The following CPNE4 variants were observed in gnomAD, a reference collection of about 807,000 sequenced individuals.
The protein encoded by CPNE4 is copine 4.
CPNE4 carries 25 observed loss-of-function variants against 67.9 expected under a neutral mutation model. The ratio of observed to expected loss-of-function variants is 0.37; its 90% CI spans 0.27 to 0.51. CPNE4 has a LOEUF of 0.51. CPNE4 is among the 20% of genes least tolerant of loss of function. The pLI is 0.93. For missense variants in CPNE4, 464 were observed against 690.8 expected (o/e 0.67, Z 3.68); for synonymous variants, 242 against 244.9 (o/e 0.99, Z 0.11).
chr3:131,534,695 A>T lies in CPNE4; in HGVS notation c.*500T>A, dbSNP rs1935039307. ...ACCATTCTCAGCAGGGAGGAATTAG[A>T]GATAACAACTGCAAAAACCATGTGG... On this transcript the variant is annotated 3_prime_UTR_variant, in exon 16 of 16. Transcript: ENST00000429747. 6.6e-6 allele frequency: 1 copy of T among 152,470 alleles called. No homozygotes were observed. Among genetic ancestry groups the T allele is most frequent in the Admixed American group, 6.5e-5 (1 of 15,290 alleles). 9.4% of individuals were successfully genotyped at this position (152,470 alleles called of 1,614,324 possible).
At chr3:131,577,633 A>G (rs1253397536) in intron 9 of CPNE4, among the ~76,000 whole-genome samples, 1 of 152,188 alleles carries the variant, frequency 6.6e-6, no homozygotes, top group Non-Finnish European at 1.5e-5. Flanking sequence ...AGAAGTTACC[A>G]TGAATGGAGC....
intron 1 of CPNE4, among the ~76,000 whole-genome samples, chr3:131,938,461 G>A (rs2071291456): frequency 6.6e-6 from 1 of 151,978 alleles, no homozygotes; most frequent in Non-Finnish European, 1.5e-5. Flanking sequence ...AAACAATAAT[G>A]TATTAGTGTT....
At chr3:131,847,706 A>G (rs2086058190) in intron 2 of CPNE4, among the ~76,000 whole-genome samples, 1 of 152,138 alleles carries the variant, frequency 6.6e-6, no homozygotes, top group African/African-American at 2.4e-5. Flanking sequence ...CAAGCATCAA[A>G]TTCCTTGTCA....
intron 1 of CPNE4, among the ~76,000 whole-genome samples, chr3:131,974,384 C>T (rs2072588699): frequency 6.6e-6 from 1 of 152,150 alleles, no homozygotes; most frequent in Non-Finnish European, 1.5e-5. Flanking sequence ...TATATACATA[C>T]AATGTGCACA....
At chr3:131,734,905 A>C (rs374272844) in intron 2 of CPNE4, among the ~76,000 whole-genome samples, 7 of 151,988 alleles carry the variant, frequency 4.6e-5, no homozygotes, top group South Asian at 2.1e-4. Context: ...CCTGCCCCCC[A>C]AAAAAAGACA....
At chr3:131,812,301 G>A (rs1393418787) in intron 2 of CPNE4, among the ~76,000 whole-genome samples, 3 of 151,466 alleles carry the variant, frequency 2.0e-5, no homozygotes, top group African/African-American at 7.3e-5. Flanking sequence ...TAAGGTGAAA[G>A]CAAACTAAAG....
At chr3:131,552,331 T>C in intron 13 of CPNE4, 109 bp downstream of exon 13, 1 of 901,886 alleles carries the variant, frequency 1.1e-6, no homozygotes, top group Non-Finnish European at 1.8e-6. Flanking sequence ...AAAGCAGAGA[T>C]TCTGTGGACA....
At chr3:131,960,351 T>A (rs2072129713) in intron 1 of CPNE4, among the ~76,000 whole-genome samples, 1 of 152,172 alleles carries the variant, frequency 6.6e-6, no homozygotes, top group Non-Finnish European at 1.5e-5. Context: ...GAATATAGGC[T>A]ATTACAGCTA....
At chr3:131,596,879 C>T (rs1292766497) in intron 7 of CPNE4, among the ~76,000 whole-genome samples, 1 of 152,086 alleles carries the variant, frequency 6.6e-6, no homozygotes, top group Non-Finnish European at 1.5e-5. Context: ...CAATAAATGT[C>T]TTAATATATG....
intron 1 of CPNE4, among the ~76,000 whole-genome samples, chr3:131,960,922 C>T (rs1451736810): frequency 6.6e-6 from 1 of 152,192 alleles, no homozygotes; most frequent in East Asian, 1.9e-4. Context: ...AACTTTTTCT[C>T]CACTGTAAAC....
chr3:132,008,012 G>A (rs7647136), intron 1 of CPNE4, among the ~76,000 whole-genome samples: 3,799 of 152,204 alleles, frequency 0.025, 163 homozygotes, highest in African/African-American at 0.086. Flanking sequence ...GAAAGCAGGG[G>A]GTTTTGTCTC....
chr3:131,917,248 CA>C (rs1022758690), intron 1 of CPNE4, among the ~76,000 whole-genome samples: 3 of 152,080 alleles, frequency 2.0e-5, no homozygotes, highest in African/African-American at 7.2e-5. Flanking sequence ...TAAAAGTTTC[CA>C]AGTGGGATGA....
intron 7 of CPNE4, among the ~76,000 whole-genome samples, chr3:131,643,495 G>T (rs907343666): frequency 1.3e-5 from 2 of 152,174 alleles, no homozygotes; most frequent in Non-Finnish European, 2.9e-5. Context: ...ATAGGCAAAA[G>T]GGATCAGATG....
chr3:131,637,645 C>T (rs1258916063), intron 7 of CPNE4, among the ~76,000 whole-genome samples: 2 of 152,106 alleles, frequency 1.3e-5, no homozygotes, highest in Non-Finnish European at 2.9e-5. Context: ...AAAATTTTCC[C>T]AGCTTTGCTA....
At chr3:131,763,913 T>C (rs929950857) in intron 2 of CPNE4, among the ~76,000 whole-genome samples, 10 of 152,128 alleles carry the variant, frequency 6.6e-5, no homozygotes, top group African/African-American at 2.4e-4. Flanking sequence ...GTGCATCCAA[T>C]ATTGTTTTTA....
At chr3:131,699,478 A>C (rs562141609) in intron 4 of CPNE4, among the ~76,000 whole-genome samples, 1 of 152,320 alleles carries the variant, frequency 6.6e-6, no homozygotes, top group East Asian at 1.9e-4. Flanking sequence ...CAGGAAACAA[A>C]CCAAACCTTG....
intron 2 of CPNE4, among the ~76,000 whole-genome samples, chr3:131,884,979 G>C (rs917579603): frequency 2.0e-5 from 3 of 152,168 alleles, no homozygotes; most frequent in African/African-American, 7.2e-5. Context: ...TTTGTACCAA[G>C]AGTGGAGTGT....
chr3:131,949,393 G>A (rs970839864), intron 1 of CPNE4, among the ~76,000 whole-genome samples: 8 of 152,152 alleles, frequency 5.3e-5, no homozygotes, highest in Non-Finnish European at 1.0e-4. Context: ...GAAGAATGGA[G>A]GAAAGCAGAC....
At chr3:131,840,033 C>T (rs1468991274) in intron 2 of CPNE4, among the ~76,000 whole-genome samples, 2 of 152,092 alleles carry the variant, frequency 1.3e-5, no homozygotes, top group South Asian at 2.1e-4. Flanking sequence ...CATGAATATA[C>T]ATACATACAT....
Sources: allele counts gnomAD v4.1 joint callset (sites outside exome capture counted in the v4.1 genomes callset), GRCh38; gene constraint gnomAD v4.1.1; transcripts MANE v1.5; gene names NCBI Gene and HGNC (gene_info 2026-07-23, HGNC 2026-07-21).